Variants in FTO observed in about 807,000 individuals in gnomAD.
FTO encodes the protein FTO alpha-ketoglutarate dependent dioxygenase, also known as alpha-ketoglutarate-dependent dioxygenase FTO.
In FTO, 47 loss-of-function variants were observed where a neutral mutation model predicts 63.9. That is an observed-to-expected ratio of 0.74 (90% CI 0.58 to 0.94). The LOEUF (loss-of-function observed/expected upper bound fraction) is 0.94. Ranked by LOEUF, FTO falls within the 40% of genes least tolerant of loss-of-function variation. The pLI, the probability that FTO is intolerant of heterozygous loss-of-function variation, is 0.00. For synonymous variants in FTO, 207 were observed against 224.4 expected, an observed-to-expected ratio of 0.92 and a Z score of 0.69; for missense variants, 562 against 618.1, an observed-to-expected ratio of 0.91 and a Z score of 0.96.
At chr16:53,916,660 A>G (rs2081874991) in intron 7 of FTO, among the ~76,000 whole-genome samples, 1 of 152,232 alleles carries the variant, frequency 6.6e-6, no homozygotes, top group Non-Finnish European at 1.5e-5. Context: ...TACACAGAGC[A>G]CTAAACATAT....
At chr16:53,931,057 C>T (rs1241494363) in intron 7 of FTO, among the ~76,000 whole-genome samples, 1 of 152,242 alleles carries the variant, frequency 6.6e-6, no homozygotes, top group Non-Finnish European at 1.5e-5. Context: ...CATCCTTCCC[C>T]TCTTAGAGGC....
At chr16:53,889,655 A>G (rs2081097944) in intron 7 of FTO, among the ~76,000 whole-genome samples, 1 of 151,976 alleles carries the variant, frequency 6.6e-6, no homozygotes, top group Admixed American at 6.6e-5. Flanking sequence ...TTGGATGCTG[A>G]GGAGTATGAT....
At chr16:53,812,908 G>T (rs73607090) in intron 2 of FTO, among the ~76,000 whole-genome samples, 5,118 of 152,228 alleles carry the variant, frequency 0.034, 301 homozygotes, top group African/African-American at 0.12. Flanking sequence ...CCACAAAAAT[G>T]CAATTAGTTC....
intron 2 of FTO, among the ~76,000 whole-genome samples, chr16:53,818,308 A>G (rs954950294): frequency 6.6e-6 from 1 of 152,026 alleles, no homozygotes; most frequent in African/African-American, 2.4e-5. Flanking sequence ...TTTCTTTGAG[A>G]TAGTGACAAA....
chr16:53,911,944 T>A lies in FTO; in HGVS notation c.1240-22041T>A, dbSNP rs545879579. Among the ~76,000 whole-genome samples, 17 of 152,354 alleles carry A rather than the reference T, an allele frequency of 1.1e-4. No individual in the cohort carries two copies. In the South Asian group the frequency reaches 2.9e-3, roughly 26 times the overall value. On this transcript the variant is annotated intron_variant, in intron 7 of 8. Coordinates refer to ENST00000471389, the MANE Select transcript of FTO (RefSeq NM_001080432.3). ...AAGGCCAAGGAAACTGTTAATGCTG[T>A]ATATCAGTTATAAAGTTGTGGTAGT...
intron 8 of FTO, among the ~76,000 whole-genome samples, chr16:53,939,178 A>G (rs769329133): frequency 6.6e-6 from 1 of 152,216 alleles, no homozygotes; most frequent in African/African-American, 2.4e-5. Context: ...TAAAAAATCA[A>G]AACAGAAGGC....
intron 8 of FTO, among the ~76,000 whole-genome samples, chr16:53,990,145 C>T (rs941421307): frequency 2.6e-5 from 4 of 152,130 alleles, no homozygotes; most frequent in Middle Eastern, 3.4e-3. Context: ...TGCAGGGGGT[C>T]GAGTGCCCCA....
chr16:53,954,914 C>A (rs1327603038), intron 8 of FTO, among the ~76,000 whole-genome samples: 4 of 151,926 alleles, frequency 2.6e-5, no homozygotes, highest in African/African-American at 4.8e-5. Context: ...ATGGGACTGG[C>A]AAAAGAAGAG....
intron 7 of FTO, among the ~76,000 whole-genome samples, chr16:53,916,410 T>C (rs374719044): frequency 1.2e-4 from 18 of 152,248 alleles, no homozygotes; most frequent in African/African-American, 4.1e-4. Flanking sequence ...TATAAGAAAA[T>C]GAATGCAGTA....
At chr16:54,021,183 C>T (rs191611415) in intron 8 of FTO, among the ~76,000 whole-genome samples, 2 of 152,248 alleles carry the variant, frequency 1.3e-5, no homozygotes, top group African/African-American at 4.8e-5. Flanking sequence ...TTCTTCCACT[C>T]TCCTCTTTCT....
At chr16:54,088,190 G>A (rs1460177812) in intron 8 of FTO, among the ~76,000 whole-genome samples, 2 of 152,106 alleles carry the variant, frequency 1.3e-5, no homozygotes, top group Non-Finnish European at 2.9e-5. Flanking sequence ...ACAAACATAT[G>A]TTTTCCTTAT....
intron 8 of FTO, among the ~76,000 whole-genome samples, chr16:53,990,380 T>G (rs965720484): frequency 6.6e-6 from 1 of 152,162 alleles, no homozygotes; most frequent in Non-Finnish European, 1.5e-5. Flanking sequence ...TCCAGAGTCC[T>G]AAAGCCAGTA....
At position 54,119,104 on chromosome 16, in the gene FTO, G is replaced by A. The variant is rs2086990388; in HGVS notation, c.*7189G>A. The A allele has an allele frequency of 6.6e-6, 1 of 152,120 alleles. No homozygotes were observed. The highest frequency in any genetic ancestry group is 2.1e-4 in the South Asian group (1 of 4,822). 9.4% of individuals were successfully genotyped at this position (152,120 alleles called of 1,614,324 possible). ...GAATAGTCTCAATGAATCATGTTAA[G>A]GCCTCTTTAGGTTTTTCAGACTCCA... On this transcript the variant is annotated 3_prime_UTR_variant, in exon 9 of 9. Transcript: ENST00000471389.
At position 53,717,063 on chromosome 16, in the gene FTO, A is replaced by AT. The variant is rs895423673; in HGVS notation, c.45+12841dup. On this transcript the variant is annotated intron_variant, in intron 1 of 8. Transcript: ENST00000471389. ...ATTCCAATTGTATAGTATTTTATGGATTTTTTTCCATCCTATCATAGGTTA... is the reference window on the plus strand; with the variant it reads ...ATTCCAATTGTATAGTATTTTATGGATTTTTTTTCCATCCTATCATAGGTTA... 3.4e-4 allele frequency among the ~76,000 whole-genome samples: 52 copies of AT among 151,408 alleles called. No homozygotes were observed. The East Asian group carries it at 9.7e-3, about 28-fold the overall frequency.
chr16:54,105,480 C>A (rs1230801119), intron 8 of FTO, among the ~76,000 whole-genome samples: 2 of 152,092 alleles, frequency 1.3e-5, no homozygotes. Flanking sequence ...GGGTCTGACC[C>A]GCCCTGGCTC....
chr16:54,022,435 T>C (rs1164199741), intron 8 of FTO, among the ~76,000 whole-genome samples: 2 of 152,216 alleles, frequency 1.3e-5, no homozygotes, highest in African/African-American at 4.8e-5. Context: ...GCATTTATAT[T>C]TGGCTTTCCA....
intron 8 of FTO, among the ~76,000 whole-genome samples, chr16:54,088,734 G>T (rs368070555): frequency 6.6e-6 from 1 of 152,200 alleles, no homozygotes; most frequent in Admixed American, 6.5e-5. Flanking sequence ...ATTATGGCAA[G>T]TTTCTTGTTA....
chr16:54,067,492 G>A (rs1107058), intron 8 of FTO, among the ~76,000 whole-genome samples: 9,332 of 152,234 alleles, frequency 0.061, 385 homozygotes, highest in East Asian at 0.14. Context: ...TATAAAATCC[G>A]CATGTGCTCC....
At chr16:54,040,370 A>C (rs2085041805) in intron 8 of FTO, 1 of 152,234 alleles carries the variant, frequency 6.6e-6, no homozygotes, top group South Asian at 2.1e-4. Context: ...CCTTCTGCTG[A>C]ATTAAAGAAA....
Sources: gnomAD v4.1 joint callset for allele counts (sites outside exome capture counted in the v4.1 genomes callset) on GRCh38, gnomAD v4.1.1 for gene constraint, MANE v1.5 for transcripts, NCBI Gene and HGNC (gene_info 2026-07-23, HGNC 2026-07-21) for gene names.